LOXHD1: variants seen among roughly 807,000 people sequenced by gnomAD.
The protein encoded by LOXHD1 is lipoxygenase homology domain-containing protein 1.
A neutral mutation model predicts 248.2 loss-of-function variants in LOXHD1; 205 were observed. The ratio of observed to expected loss-of-function variants is 0.83; its 90% confidence interval spans 0.74 to 0.93. The LOEUF is 0.93. Ranked by LOEUF, LOXHD1 falls within the 40% of genes least tolerant of loss-of-function variation. The pLI, the probability that LOXHD1 is intolerant of heterozygous loss-of-function variation, is 0.00. For missense variants in LOXHD1, 2,930 were observed against 2,971.6 expected (o/e 0.99, Z 0.33); for synonymous variants, 1,113 against 1,162.8 (o/e 0.96, Z 0.87).
chr18:46,524,355 G>C lies in LOXHD1; in HGVS notation c.4876+111C>G. ...GTGAAAACTATGTAAATGACTAAGT[G>C]TTAGATATGTCATCGGTGATGGTGG... On this transcript the variant is annotated intron_variant, in intron 31 of 40. Coordinates refer to ENST00000642948, the MANE Select transcript of LOXHD1 (RefSeq NM_001384474.1). The C allele has an allele frequency of 5.7e-6, 8 of 1,396,564 alleles. No homozygotes were observed. In the East Asian group the frequency reaches 2.0e-4, roughly 35 times the overall value. 86.5% of individuals were successfully genotyped at this position (1,396,564 alleles called of 1,614,324 possible).
intron 23 of LOXHD1, 51 bp from the exon 24 acceptor site, chr18:46,542,906 G>A: frequency 6.4e-7 from 1 of 1,550,758 alleles, no homozygotes; most frequent in Admixed American, 2.0e-5. Context: ...GGCCTTTCAA[G>A]CCTAGTCAGA....
chr18:46,512,270 G>A (rs1367996430), intron 34 of LOXHD1, among the ~76,000 whole-genome samples: 1 of 152,016 alleles, frequency 6.6e-6, no homozygotes, highest in African/African-American at 2.4e-5. Flanking sequence ...TTGCATGTCT[G>A]ATGACCAATG....
In LOXHD1 at chr18:46,559,581, A is replaced by G; in HGVS notation, c.3083T>C (p.Val1028Ala). The G allele has an allele frequency of 1.3e-6, 2 of 1,551,832 alleles. No homozygotes were observed. Among genetic ancestry groups the G allele is most frequent in the Non-Finnish European group, 1.7e-6 (2 of 1,147,016 alleles). The change falls in exon 20 of 41, where the codon GTG (valine) becomes GCG (alanine). Residue 1028 changes from valine (V) to alanine (A), a missense_variant. By Grantham distance (64) the Val-to-Ala change is moderately conservative. Transcript: ENST00000642948. ...GGCCTTGGGCACATTCCCCGTGACC[A>G]CCTGAACCTCATAGGTGTTTCCTGT... ...GPERNTYEVQ[V>A]VTGNVPKAGT... is the part of the protein sequence containing the mutation.
At chr18:46,582,029 G>C (rs2037973429) in intron 12 of LOXHD1, among the ~76,000 whole-genome samples, 1 of 152,142 alleles carries the variant, frequency 6.6e-6, no homozygotes, top group African/African-American at 2.4e-5. Flanking sequence ...TATCTGTCAA[G>C]AAATATTAAA....
chr18:46,569,586 C>T lies in LOXHD1; in HGVS notation c.2100G>A (p.Thr700=), dbSNP rs367826075. ...LKTGDVSGAS[T]DSRVYIKLYG... ...AGAGCTTGATGTAGACTCTAGAATC[C>T]GTGCTGGCCCCAGAGACATCCCCAG... The change falls in exon 16 of 41, where the codon ACG becomes ACA. Residue 700 remains threonine, a synonymous_variant. Transcript: ENST00000642948. The T allele has an allele frequency of 2.2e-4, 345 of 1,551,690 alleles. No homozygotes were observed. Among genetic ancestry groups the T allele is most frequent in the Non-Finnish European group, 2.7e-4 (314 of 1,146,992 alleles).
Position 46,591,925 on chromosome 18 carries a change from G to A in LOXHD1, c.1654+8C>T, listed in dbSNP as rs1434602260. ...GCCTCCCAGGATGGAGAGCCTGTCAGTACTTACTGCCCATGATCCTGCGCA... is the reference window on the plus strand; with the variant it reads ...GCCTCCCAGGATGGAGAGCCTGTCAATACTTACTGCCCATGATCCTGCGCA... On this transcript the variant is annotated splice_region_variant and intron_variant, in intron 12 of 40. Coordinates refer to ENST00000642948, the MANE Select transcript of LOXHD1 (RefSeq NM_001384474.1). 2.6e-6 allele frequency: 4 copies of A among 1,551,716 alleles called. No individual in the cohort carries two copies. Among genetic ancestry groups the A allele is most frequent in the Admixed American group, 2.0e-5 (1 of 51,010 alleles).
chr18:46,601,527 C>G (rs764978748), intron 7 of LOXHD1, 60 bp from the exon 8 acceptor site: 3 of 1,549,400 alleles, frequency 1.9e-6, no homozygotes, highest in South Asian at 2.4e-5. Context: ...AATATCCCAC[C>G]CCCTCCTCCC....
chr18:46,517,267 ACAATGAGTACTATAGGAGGGC>A (rs2035304129), intron 34 of LOXHD1, among the ~76,000 whole-genome samples: 1 of 152,176 alleles, frequency 6.6e-6, no homozygotes, highest in African/African-American at 2.4e-5. Flanking sequence ...GAGGACAGGG[ACAATGAGTACTATAGGAGGGC>A]CATCTTTAAT....
intron 34 of LOXHD1, among the ~76,000 whole-genome samples, chr18:46,517,464 G>A (rs973301302): frequency 6.6e-5 from 10 of 152,112 alleles, no homozygotes; most frequent in African/African-American, 2.4e-4. Flanking sequence ...TATTATTATA[G>A]GGTTGAGGAA....
intron 8 of LOXHD1, among the ~76,000 whole-genome samples, chr18:46,596,390 T>A (rs1028699010): frequency 5.9e-5 from 9 of 152,008 alleles, no homozygotes; most frequent in Non-Finnish European, 1.3e-4. Flanking sequence ...AGTAGGCAAA[T>A]GTGAATGCTA....
At chr18:46,645,172 T>C (rs1234801500) in intron 2 of LOXHD1, among the ~76,000 whole-genome samples, 1 of 152,192 alleles carries the variant, frequency 6.6e-6, no homozygotes, top group African/African-American at 2.4e-5. Flanking sequence ...GGATTGCAAA[T>C]GCCTGTGGGT....
intron 8 of LOXHD1, among the ~76,000 whole-genome samples, chr18:46,599,030 A>G (rs2038298882): frequency 6.6e-6 from 1 of 152,180 alleles, no homozygotes; most frequent in African/African-American, 2.4e-5. Context: ...TCCCTAGCAG[A>G]TACTAAGACA....
intron 21 of LOXHD1, among the ~76,000 whole-genome samples, chr18:46,553,772 G>C (rs1310257227): frequency 1.3e-5 from 2 of 152,200 alleles, no homozygotes; most frequent in Non-Finnish European, 2.9e-5. Context: ...AAACAGACAA[G>C]AGAAATGAGG....
intron 1 of LOXHD1, among the ~76,000 whole-genome samples, chr18:46,655,070 G>A (rs1034233899): frequency 5.3e-5 from 8 of 152,222 alleles, no homozygotes; most frequent in Admixed American, 6.5e-5. Context: ...TCATCATGAA[G>A]ATGAAATTAG....
Position 46,579,803 on chromosome 18 carries a change from G to A in LOXHD1, c.1655-19C>T. 1 of 1,548,308 alleles carries A rather than the reference G, an allele frequency of 6.5e-7. No homozygotes were observed. Among genetic ancestry groups the A allele is most frequent in the Non-Finnish European group, 8.7e-7 (1 of 1,144,458 alleles). Reference sequence around the variant, plus strand: ...CGGGCCACTGGCAGGCAGAGAGAGGGACATCATTGCTGACAGCCCCCTGCT... The same window carrying A: ...CGGGCCACTGGCAGGCAGAGAGAGGAACATCATTGCTGACAGCCCCCTGCT... On this transcript the variant is annotated intron_variant, in intron 12 of 40. Coordinates refer to ENST00000642948, the MANE Select transcript of LOXHD1 (RefSeq NM_001384474.1).
At chr18:46,592,281 C>CT (rs2038184895) in intron 11 of LOXHD1, among the ~76,000 whole-genome samples, 1 of 151,688 alleles carries the variant, frequency 6.6e-6, no homozygotes, top group Admixed American at 6.6e-5. Flanking sequence ...GAATGCAAGC[C>CT]CCCCAAACAC....
intron 4 of LOXHD1, among the ~76,000 whole-genome samples, chr18:46,621,948 T>A (rs2038674596): frequency 6.6e-6 from 1 of 152,198 alleles, no homozygotes; most frequent in South Asian, 2.1e-4. Flanking sequence ...TGTCATTTGA[T>A]CCACACAATG....
intron 29 of LOXHD1, among the ~76,000 whole-genome samples, chr18:46,527,746 A>C (rs1394178792): frequency 6.6e-6 from 1 of 152,182 alleles, no homozygotes; most frequent in Non-Finnish European, 1.5e-5. Flanking sequence ...GAACAATTAG[A>C]TCTCTTGTGG....
At chr18:46,617,931 G>A (rs940063955) in intron 5 of LOXHD1, among the ~76,000 whole-genome samples, 1 of 152,208 alleles carries the variant, frequency 6.6e-6, no homozygotes, top group Admixed American at 6.5e-5. Flanking sequence ...TCCATGGTCT[G>A]AGATGCAGGA....
Sources: allele counts gnomAD v4.1 joint callset (sites outside exome capture counted in the v4.1 genomes callset), GRCh38; gene constraint gnomAD v4.1.1; transcripts MANE v1.5; gene names NCBI Gene and HGNC (gene_info 2026-07-23, HGNC 2026-07-21).